PPEF2: variants seen among roughly 807,000 people sequenced by gnomAD.
PPEF2 encodes protein phosphatase with EF-hand domain 2.
In PPEF2, 84 loss-of-function variants were observed where a neutral mutation model predicts 84.7. The observed-to-expected ratio is 0.99, with a 90% CI of 0.83 to 1.19. The LOEUF is 1.19. PPEF2 is among the 50% of genes most tolerant of loss of function. The pLI is 0.00. For synonymous variants in PPEF2, 346 were observed against 345.2 expected (o/e 1.00, Z -0.03); for missense variants, 924 against 937.5 (o/e 0.99, Z 0.19).
At chr4:75,891,728 G>A (rs755963327) in intron 3 of PPEF2, 23 bp from the exon 4 acceptor site, 13 of 1,607,514 alleles carry the variant, frequency 8.1e-6, no homozygotes, top group Admixed American at 1.7e-5. Context: ...CCAAGGAGAC[G>A]TGGCTTTAGA....
chr4:75,872,040 A>AGT lies in PPEF2; in HGVS notation c.1632_1633dup (p.Leu545HisfsTer4). On this transcript the variant is annotated frameshift_variant, in exon 13 of 17. Transcript: ENST00000286719. LOFTEE classifies it high-confidence loss of function. Reference sequence around the variant, plus strand: ...AAAGTCTTGCCTTTGCCTCATGGTGAGTGTGTGGGTCACCTTGTTAGCTTG... The same window carrying AGT: ...AAAGTCTTGCCTTTGCCTCATGGTGAGTGTGTGTGGGTCACCTTGTTAGCTTG... The AGT allele has an allele frequency of 6.3e-7, 1 of 1,599,832 alleles. No individual in the cohort carries two copies. The highest frequency in any genetic ancestry group is 2.2e-5 in the East Asian group (1 of 44,680).
chr4:75,865,702 A>G (rs1246936387), intron 15 of PPEF2, among the ~76,000 whole-genome samples: 42 of 152,202 alleles, frequency 2.8e-4, no homozygotes. Flanking sequence ...TACACTTTAA[A>G]TGGATGAATT....
In PPEF2 at chr4:75,872,156, G is replaced by A. The variant is rs772053083; in HGVS notation, c.1518C>T (p.Ile506=). 6 of 1,613,404 alleles carry A rather than the reference G, an allele frequency of 3.7e-6. No individual in the cohort carries two copies. Among genetic ancestry groups the A allele is most frequent in the Admixed American group, 1.7e-5 (1 of 59,820 alleles). ...EFCHNRKVLT[I]FSASNYYEVG... is the part of the protein sequence containing the mutation. Reference sequence around the variant, plus strand: ...CTTCATAGTAGTTGGAGGCAGAAAAGATTGTTAATACCTACATCAAAACAG... The same window carrying A: ...CTTCATAGTAGTTGGAGGCAGAAAAAATTGTTAATACCTACATCAAAACAG... Residue 506 remains isoleucine (I), a synonymous_variant, in exon 13 of 17, where the codon ATC becomes ATT. Coordinates refer to ENST00000286719, the MANE Select transcript of PPEF2 (RefSeq NM_006239.3).
intron 13 of PPEF2, 44 bp downstream of exon 13, chr4:75,871,981 A>G: frequency 6.6e-7 from 1 of 1,524,970 alleles, no homozygotes; most frequent in South Asian, 1.2e-5. Context: ...TTCTATGAAC[A>G]CTATAATTTT....
chr4:75,873,106 T>G (rs754206019), intron 12 of PPEF2, 21 bp downstream of exon 12: 4 of 1,603,966 alleles, frequency 2.5e-6, no homozygotes, highest in Non-Finnish European at 3.4e-6. Context: ...AAGCCTGTAC[T>G]GCTGCAGAGG....
intron 10 of PPEF2, among the ~76,000 whole-genome samples, chr4:75,879,877 T>C (rs1482288307): frequency 7.9e-5 from 12 of 151,962 alleles, no homozygotes; most frequent in African/African-American, 1.9e-4. Flanking sequence ...TCACTTAGGC[T>C]GGAGTGCAGT....
At chr4:75,872,263 T>C in intron 12 of PPEF2, 96 bp from the exon 13 acceptor site, 1 of 1,203,876 alleles carries the variant, frequency 8.3e-7, no homozygotes, top group Non-Finnish European at 1.1e-6. Flanking sequence ...GAAGCTGCTG[T>C]TTCTCCTAGT....
Position 75,890,027 on chromosome 4 carries a change from C to G in PPEF2, c.347G>C (p.Gly116Ala), listed in dbSNP as rs371806117. 6.2e-7 allele frequency: 1 copy of G among 1,614,056 alleles called. No individual in the cohort carries two copies. Among genetic ancestry groups the G allele is most frequent in the Non-Finnish European group, 8.5e-7 (1 of 1,180,010 alleles). ...ESIEVPDSYTGPRLSFPLLPD... is the reference protein window; with the variant it reads ...ESIEVPDSYTAPRLSFPLLPD... ...CAGGAGTGGGAAGGAGAGGCGTGGC[C>G]CCGTGTAACTGTCGGGTACCTCTAT... The change falls in exon 5 of 17, where the codon GGG (glycine) becomes GCG (alanine). Residue 116 changes from glycine to alanine, a missense_variant. Coordinates refer to ENST00000286719, the MANE Select transcript of PPEF2 (RefSeq NM_006239.3).
At position 75,882,913 on chromosome 4, in the gene PPEF2, C is replaced by T. The variant is rs745542107; in HGVS notation, c.933+13G>A. 3.8e-6 allele frequency: 6 copies of T among 1,596,496 alleles called. No individual in the cohort carries two copies. The highest frequency in any genetic ancestry group is 4.5e-5 in the East Asian group (2 of 44,626). ...CATTATGGTGAAATTTGTATTATTTCATTAACCACTACCTTGCTCCTCTCT... is the reference window on the plus strand; with the variant it reads ...CATTATGGTGAAATTTGTATTATTTTATTAACCACTACCTTGCTCCTCTCT... On this transcript the variant is annotated intron_variant, in intron 10 of 16. Coordinates refer to ENST00000286719, the MANE Select transcript of PPEF2 (RefSeq NM_006239.3).
chr4:75,881,606 T>C (rs1724576306), intron 10 of PPEF2: 1 of 152,172 alleles, frequency 6.6e-6, no homozygotes, highest in African/African-American at 2.4e-5. Flanking sequence ...AACAGATGTG[T>C]AAGTGAAAAC....
At chr4:75,868,358 G>C (rs1477039778) in intron 13 of PPEF2, among the ~76,000 whole-genome samples, 1 of 130,312 alleles carries the variant, frequency 7.7e-6, no homozygotes, top group Non-Finnish European at 1.7e-5. Context: ...TAAAAGGTAA[G>C]CATACGTTAC....
chr4:75,863,858 ATCTT>A (rs956597556), intron 16 of PPEF2, among the ~76,000 whole-genome samples: 64 of 150,404 alleles, frequency 4.3e-4, no homozygotes, highest in Non-Finnish European at 6.1e-4. Flanking sequence ...AGGATATCAC[ATCTT>A]TCTTTCTTTC....
Position 75,860,721 on chromosome 4 carries a change from G to T in PPEF2, c.2208C>A (p.Cys736Ter). 2 of 1,614,222 alleles carry T rather than the reference G, an allele frequency of 1.2e-6. No individual in the cohort carries two copies. The highest frequency in any genetic ancestry group is 1.1e-5 in the South Asian group (1 of 91,084). ...TGTCTTTAGCATTTGTAGCTTGTGG[G>T]CATTCTGAGGCATCGCCCTCTGGGC... Reference protein sequence around the residue: ...KSCPEGDASECPQATNAKDSG... With the variant: ...KSCPEGDASE The change falls in exon 17 of 17, where the codon TGC (cysteine) becomes TGA (stop). Residue 736 changes from cysteine (C) to a stop codon, truncating the protein, a stop_gained. Transcript: ENST00000286719. LOFTEE classifies it low-confidence loss of function (END_TRUNC).
chr4:75,893,924 TC>T (rs1724950135), intron 2 of PPEF2, among the ~76,000 whole-genome samples: 1 of 152,222 alleles, frequency 6.6e-6, no homozygotes, highest in African/African-American at 2.4e-5. Flanking sequence ...TGGCTTGCTT[TC>T]AATTGAGATG....
rs1725006072 is a variant in PPEF2 at position 75,896,215 on chromosome 4, A to G, written c.55+56T>C. 4 of 1,572,566 alleles carry G rather than the reference A, an allele frequency of 2.5e-6. No homozygotes were observed. In the African/African-American group the frequency reaches 4.1e-5, roughly 16 times the overall value. ...ACCCTCAGAACCCCCAACCCTCTCC[A>G]TGCAATATGGGCTTTGTGGTACCCA... On this transcript the variant is annotated intron_variant, in intron 2 of 16. Coordinates refer to ENST00000286719, the MANE Select transcript of PPEF2 (RefSeq NM_006239.3).
chr4:75,896,983 C>A (rs908032486), intron 1 of PPEF2, among the ~76,000 whole-genome samples: 1 of 152,210 alleles, frequency 6.6e-6, no homozygotes, highest in South Asian at 2.1e-4. Flanking sequence ...CTCCTGGGTT[C>A]ACGCCATTCT....
At chr4:75,885,372 C>T (rs1014072321) in intron 7 of PPEF2, among the ~76,000 whole-genome samples, 4 of 152,132 alleles carry the variant, frequency 2.6e-5, no homozygotes, top group African/African-American at 9.7e-5. Flanking sequence ...TGACCTCAAA[C>T]TCCTGGCCTC....
At chr4:75,887,399 A>G (rs1432140754) in intron 6 of PPEF2, among the ~76,000 whole-genome samples, 1 of 152,202 alleles carries the variant, frequency 6.6e-6, no homozygotes, top group Non-Finnish European at 1.5e-5. Flanking sequence ...AGACGGGCGG[A>G]TCACGAGGTC....
chr4:75,885,644 A>G (rs1346716725), intron 7 of PPEF2, among the ~76,000 whole-genome samples: 2 of 152,158 alleles, frequency 1.3e-5, no homozygotes, highest in African/African-American at 4.8e-5. Flanking sequence ...TGAGTGGATC[A>G]CTTGAGCTCA....
Sources: gnomAD v4.1 joint callset for allele counts (sites outside exome capture counted in the v4.1 genomes callset) on GRCh38, gnomAD v4.1.1 for gene constraint, MANE v1.5 for transcripts, NCBI Gene and HGNC (gene_info 2026-07-23, HGNC 2026-07-21) for gene names.